Variants in MERTK observed in about 807,000 individuals in gnomAD.
MERTK encodes the protein MER proto-oncogene, tyrosine kinase, also known as tyrosine-protein kinase Mer.
MERTK carries 69 observed loss-of-function variants against 99.3 expected under a neutral mutation model. The ratio of observed to expected loss-of-function variants is 0.70; its 90% CI spans 0.57 to 0.85. The LOEUF is 0.85. Among genes scored for constraint, MERTK ranks in the 40% least tolerant of loss-of-function variants. The probability of loss-of-function intolerance (pLI) is 0.00; values close to 1 mark genes in which losing one functional copy is unlikely to be tolerated. For missense variants in MERTK, 1,125 were observed against 1,249.4 expected, an observed-to-expected ratio of 0.90 and a Z score of 1.50; for synonymous variants, 426 against 467.6, an observed-to-expected ratio of 0.91 and a Z score of 1.15.
intron 1 of MERTK, among the ~76,000 whole-genome samples, chr2:111,914,040 T>G (rs544206650): frequency 2.0e-4 from 30 of 152,196 alleles, no homozygotes; most frequent in South Asian, 1.7e-3. Context: ...ATCCATTTTT[T>G]TTTTCAGATC....
intron 1 of MERTK, among the ~76,000 whole-genome samples, chr2:111,899,333 G>T (rs528738564): frequency 3.9e-5 from 6 of 152,280 alleles, no homozygotes; most frequent in South Asian, 4.1e-4. Context: ...GACGGGCCAG[G>T]GGGGGACGGC....
chr2:111,989,837 TAAGTAAAGTTGCAATCAAGTGCCATATTA>T (rs1477637559), intron 8 of MERTK, among the ~76,000 whole-genome samples: 1 of 152,254 alleles, frequency 6.6e-6, no homozygotes, highest in East Asian at 1.9e-4. Context: ...ATCTTACATG[TAAGTAAAGTTGCAATCAAGTGCCATATTA>T]TAAATCTGAT....
chr2:112,027,124 C>T (rs144372805), intron 18 of MERTK, among the ~76,000 whole-genome samples: 6 of 151,364 alleles, frequency 4.0e-5, no homozygotes, highest in African/African-American at 1.5e-4. Context: ...AGCAAGACTT[C>T]GTCTTATTAA....
chr2:111,988,175 A>G (rs931649305), intron 8 of MERTK, among the ~76,000 whole-genome samples: 14 of 152,052 alleles, frequency 9.2e-5, no homozygotes, highest in Non-Finnish European at 1.8e-4. Flanking sequence ...GAGCAGAGCT[A>G]TGTGCCTGGA....
chr2:111,901,466 A>G (rs955447647), intron 1 of MERTK, among the ~76,000 whole-genome samples: 2 of 152,160 alleles, frequency 1.3e-5, no homozygotes, highest in African/African-American at 4.8e-5. Flanking sequence ...TGCTTTTTGA[A>G]AGTACATCGT....
chr2:111,952,110 A>G (rs1223157700), intron 4 of MERTK: 1 of 152,032 alleles, frequency 6.6e-6, no homozygotes, highest in Non-Finnish European at 1.5e-5. Flanking sequence ...CCTATTTTGC[A>G]TTTCAAGTTC....
At position 112,006,978 on chromosome 2, in the gene MERTK, C is replaced by G. The variant is rs191245699; in HGVS notation, c.1868-1405C>G. 2.6e-5 allele frequency among the ~76,000 whole-genome samples: 4 copies of G among 151,996 alleles called. No homozygotes were observed. The East Asian group carries it at 7.7e-4, about 29-fold the overall frequency. ...TGCATGATTTTAATCAGTAGTTTTA[C>G]CCTGTTAACGCAAATTCCCTAAGGC... On this transcript the variant is annotated intron_variant, in intron 13 of 18. Transcript: ENST00000295408.
At chr2:111,989,699 T>C (rs1676570771) in intron 8 of MERTK, among the ~76,000 whole-genome samples, 1 of 152,200 alleles carries the variant, frequency 6.6e-6, no homozygotes, top group South Asian at 2.1e-4. Context: ...TTAAGTCCTT[T>C]GATCATTGAA....
chr2:111,932,075 G>A (rs913285548), intron 2 of MERTK, among the ~76,000 whole-genome samples: 2 of 152,194 alleles, frequency 1.3e-5, no homozygotes, highest in African/African-American at 4.8e-5. Context: ...TTATTCTACT[G>A]TGTGTTTTCA....
At chr2:112,005,015 A>G (rs1030332936) in intron 13 of MERTK, among the ~76,000 whole-genome samples, 2 of 152,220 alleles carry the variant, frequency 1.3e-5, no homozygotes, top group Non-Finnish European at 2.9e-5. Flanking sequence ...AAATAGTGGT[A>G]GATGCCAGTT....
At chr2:111,930,914 A>C (rs1684658457) in intron 2 of MERTK, among the ~76,000 whole-genome samples, 1 of 152,098 alleles carries the variant, frequency 6.6e-6, no homozygotes, top group Non-Finnish European at 1.5e-5. Context: ...CGTTGCGTGC[A>C]CAGTTTTAGA....
At chr2:111,973,196 C>G (rs1047587302) in intron 6 of MERTK, among the ~76,000 whole-genome samples, 1 of 152,156 alleles carries the variant, frequency 6.6e-6, no homozygotes, top group Non-Finnish European at 1.5e-5. Flanking sequence ...TGCTCTCAGA[C>G]AGTGTCCCTG....
chr2:111,940,484 T>A, intron 2 of MERTK: 1 of 574,572 alleles, frequency 1.7e-6, no homozygotes, highest in South Asian at 1.4e-5. Context: ...AGAATATGTT[T>A]GTCTAAAGCA....
At chr2:111,912,223 G>A (rs1359943164) in intron 1 of MERTK, among the ~76,000 whole-genome samples, 11 of 151,822 alleles carry the variant, frequency 7.2e-5, no homozygotes, top group African/African-American at 1.2e-4. Context: ...TGGCCAGGCC[G>A]GTCTTGAATT....
intron 2 of MERTK, among the ~76,000 whole-genome samples, chr2:111,934,228 G>A (rs1448427723): frequency 6.6e-6 from 1 of 152,132 alleles, no homozygotes; most frequent in Non-Finnish European, 1.5e-5. Flanking sequence ...AATCCTTTGG[G>A]TATATACCCA....
intron 4 of MERTK, among the ~76,000 whole-genome samples, chr2:111,964,043 CT>C (rs56693776): frequency 1.2e-3 from 120 of 103,706 alleles, no homozygotes; most frequent in Non-Finnish European, 1.2e-3. Flanking sequence ...AATTTTCTTT[CT>C]TTTTTTTTTT....
chr2:111,989,754 A>G (rs13401834), intron 8 of MERTK, among the ~76,000 whole-genome samples: 7,303 of 152,266 alleles, frequency 0.048, 161 homozygotes, highest in African/African-American at 0.059. Context: ...AATGCCACAC[A>G]TAGGATAAAA....
chr2:111,999,533 T>G (rs1676824028), intron 10 of MERTK, among the ~76,000 whole-genome samples: 1 of 152,148 alleles, frequency 6.6e-6, no homozygotes, highest in Non-Finnish European at 1.5e-5. Flanking sequence ...ACTCCTGGGC[T>G]CAAGTGATCC....
At position 112,022,393 on chromosome 2, in the gene MERTK, C is replaced by T. The variant is rs759598847; in HGVS notation, c.2485C>T (p.Leu829=). The change falls in exon 18 of 19, where the codon CTG becomes TTG. Residue 829 remains leucine, a splice_region_variant and synonymous_variant. Transcript: ENST00000295408. ...LKQPEDCLDE[L]YEIMYSCWRT... ...GCAGCCCGAAGACTGCCTGGATGAA[C>T]TGTGAGTGGGCTTCTCTGTCTCCCT... 1 of 1,614,222 alleles carries T rather than the reference C, an allele frequency of 6.2e-7. No individual in the cohort carries two copies. The highest frequency in any genetic ancestry group is 1.1e-5 in the South Asian group (1 of 91,084).
Sources: allele counts gnomAD v4.1 joint callset (sites outside exome capture counted in the v4.1 genomes callset), GRCh38; gene constraint gnomAD v4.1.1; transcripts MANE v1.5; gene names NCBI Gene and HGNC (gene_info 2026-07-23, HGNC 2026-07-21).